Variants in SH3KBP1 observed in about 807,000 individuals in gnomAD.
The protein encoded by SH3KBP1 is SH3 domain-containing kinase-binding protein 1.
In SH3KBP1, 8 loss-of-function variants were observed where a neutral mutation model predicts 50.1. The observed-to-expected ratio is 0.16, with a 90% CI of 0.09 to 0.29. The LOEUF is 0.29. Among genes scored for constraint, SH3KBP1 ranks in the 10% least tolerant of loss-of-function variants. The pLI is 1.00. For synonymous variants in SH3KBP1, 227 were observed against 218.6 expected (o/e 1.04, Z -0.34); for missense variants, 377 against 535.2 (o/e 0.70, Z 2.92).
At chrX:19,769,623 T>C (rs1182093737) in intron 2 of SH3KBP1, among the ~76,000 whole-genome samples, 2 of 111,219 alleles carry the variant, frequency 1.8e-5, no homozygotes, top group African/African-American at 6.5e-5. Context: ...TGTGTGGTTG[T>C]AATAAGCCAC....
chrX:19,798,145 C>T (rs998607901), intron 2 of SH3KBP1, among the ~76,000 whole-genome samples: 3 of 110,919 alleles, frequency 2.7e-5, no homozygotes, highest in African/African-American at 6.6e-5. Flanking sequence ...AGTGCAGTAG[C>T]GTGATCATGG....
At chrX:19,591,936 A>T in intron 11 of SH3KBP1, 131 bp downstream of exon 11, 1 of 543,104 alleles carries the variant, frequency 1.8e-6, no homozygotes, top group South Asian at 2.5e-5. Flanking sequence ...TTGTAAAAGC[A>T]ATCAAAACAA....
At chrX:19,727,708 G>A (rs1011368709) in intron 3 of SH3KBP1, among the ~76,000 whole-genome samples, 7 of 112,382 alleles carry the variant, frequency 6.2e-5, no homozygotes, top group African/African-American at 2.3e-4. Context: ...CACTTAGGCC[G>A]GGCGTGGTGG....
At chrX:19,578,270 T>A (rs1459783602) in intron 12 of SH3KBP1, among the ~76,000 whole-genome samples, 1 of 112,030 alleles carries the variant, frequency 8.9e-6, no homozygotes, top group East Asian at 2.8e-4. Context: ...ACCTATCTTC[T>A]TTCTTTCTCC....
chrX:19,836,958 G>C (rs2068076856), intron 1 of SH3KBP1, among the ~76,000 whole-genome samples: 1 of 112,063 alleles, frequency 8.9e-6, no homozygotes, highest in Admixed American at 9.5e-5. Context: ...TGTGAAGAAG[G>C]ATGTGTTTGC....
intron 3 of SH3KBP1, among the ~76,000 whole-genome samples, chrX:19,732,505 A>C (rs2064409839): frequency 9.1e-6 from 1 of 109,365 alleles, no homozygotes; most frequent in African/African-American, 3.3e-5. Flanking sequence ...GCTGAAAAAA[A>C]TCTACATATA....
At position 19,807,150 on chromosome X, in the gene SH3KBP1, T is replaced by G. The variant is rs150803302; in HGVS notation, c.162+28975A>C. On this transcript the variant is annotated intron_variant, in intron 2 of 17. Coordinates refer to ENST00000397821, the MANE Select transcript of SH3KBP1 (RefSeq NM_031892.3). ...AAATGATGCAGTATCTACTCACAAT[T>G]GCAAATTCACATTCCTTTTCACCCT... is the stretch of plus-strand genomic sequence containing the variant. Among the ~76,000 whole-genome samples, 81 of 112,288 alleles carry G rather than the reference T, an allele frequency of 7.2e-4. No homozygotes were observed. The Middle Eastern group carries it at 0.014, about 19-fold the overall frequency.
intron 2 of SH3KBP1, among the ~76,000 whole-genome samples, chrX:19,753,744 C>T (rs5955840): frequency 9.0e-6 from 1 of 111,696 alleles, no homozygotes; most frequent in Non-Finnish European, 1.9e-5. Flanking sequence ...AATACCCATG[C>T]TATCAAACCA....
chrX:19,812,848 G>A (rs1159347980), intron 2 of SH3KBP1, among the ~76,000 whole-genome samples: 3 of 110,462 alleles, frequency 2.7e-5, no homozygotes, highest in Admixed American at 9.6e-5. Context: ...GTTAGTGCAC[G>A]CCTGTAGTCC....
chrX:19,822,121 C>A (rs1204849068), intron 2 of SH3KBP1, among the ~76,000 whole-genome samples: 1 of 112,120 alleles, frequency 8.9e-6, no homozygotes, highest in Non-Finnish European at 1.9e-5. Flanking sequence ...TTTTTAGAAG[C>A]TTGATTAGTA....
intron 6 of SH3KBP1, among the ~76,000 whole-genome samples, chrX:19,681,276 A>G (rs1466674597): frequency 8.9e-6 from 1 of 112,534 alleles, no homozygotes; most frequent in Non-Finnish European, 1.9e-5. Context: ...ATATCAATGC[A>G]ATAAATGAAC....
At chrX:19,549,864 G>A (rs2065189298) in intron 14 of SH3KBP1, 110 bp downstream of exon 14, 2 of 530,594 alleles carry the variant, frequency 3.8e-6, no homozygotes, top group African/African-American at 2.3e-5. Flanking sequence ...CTCTCCCAGG[G>A]TGTCCTCAAA....
At chrX:19,829,844 T>A (rs2147388171) in intron 2 of SH3KBP1, among the ~76,000 whole-genome samples, 1 of 111,270 alleles carries the variant, frequency 9.0e-6, no homozygotes, top group African/African-American at 3.3e-5. Flanking sequence ...ATTTCTGGAT[T>A]ATATGCCAAA....
At chrX:19,776,961 C>T (rs1323043921) in intron 2 of SH3KBP1, among the ~76,000 whole-genome samples, 1 of 110,864 alleles carries the variant, frequency 9.0e-6, no homozygotes, top group Non-Finnish European at 1.9e-5. Flanking sequence ...CAACCGCCTG[C>T]CACCTGAATC....
Position 19,831,839 on chromosome X carries a change from G to A in SH3KBP1, c.162+4286C>T, listed in dbSNP as rs1384968. 1.6e-3 allele frequency among the ~76,000 whole-genome samples: 157 copies of A among 100,622 alleles called. 3 individuals are homozygous for A. In the East Asian group the frequency reaches 0.043, roughly 28 times the overall value. The allele number at this position is 100,622 out of a possible 115,157, so 87.4% of individuals were successfully genotyped here. ...TCCACAAAACTACCCAATTCCATCT[G>A]GGGACACATTATTCTTACACTACAT... On this transcript the variant is annotated intron_variant, in intron 2 of 17. Transcript: ENST00000397821.
chrX:19,680,791 G>T (rs916705233), intron 6 of SH3KBP1, among the ~76,000 whole-genome samples: 1 of 111,684 alleles, frequency 9.0e-6, no homozygotes, highest in African/African-American at 3.3e-5. Context: ...AACAACATGG[G>T]GTGGAGATAG....
At chrX:19,554,217 T>TATCATATTAAA (rs2065390285) in intron 13 of SH3KBP1, among the ~76,000 whole-genome samples, 2 of 73,839 alleles carry the variant, frequency 2.7e-5, no homozygotes, top group African/African-American at 1.4e-4. Context: ...AATATAATAT[T>TATCATATTAAA]ATATATCATA....
At chrX:19,829,036 A>C (rs2067779799) in intron 2 of SH3KBP1, among the ~76,000 whole-genome samples, 1 of 111,712 alleles carries the variant, frequency 9.0e-6, no homozygotes, top group African/African-American at 3.3e-5. Context: ...AAAAATCTAC[A>C]GGTTGAAAGT....
rs1434474274 is a variant in SH3KBP1, at chrX:19,841,985, C to T, written c.5-5703G>A. ...CCAGAATACCCAGAAAAAGTTACACCAGTCAGGAACATATTTAAAAAAAAA... is the reference window on the plus strand; with the variant it reads ...CCAGAATACCCAGAAAAAGTTACACTAGTCAGGAACATATTTAAAAAAAAA... On this transcript the variant is annotated intron_variant, in intron 1 of 17. Coordinates refer to ENST00000397821, the MANE Select transcript of SH3KBP1 (RefSeq NM_031892.3). Among the ~76,000 whole-genome samples, 10 of 108,594 alleles carry T rather than the reference C, an allele frequency of 9.2e-5. No homozygotes were observed. The Admixed American group carries it at 9.9e-4, about 11-fold the overall frequency. 94.3% of individuals were successfully genotyped at this position (108,594 alleles called of 115,157 possible).
Sources: allele counts gnomAD v4.1 joint callset (sites outside exome capture counted in the v4.1 genomes callset), GRCh38; gene constraint gnomAD v4.1.1; transcripts MANE v1.5; gene names NCBI Gene and HGNC (gene_info 2026-07-23, HGNC 2026-07-21).